The following AFF2 variants were observed in gnomAD, a reference collection of about 807,000 sequenced individuals.
The protein encoded by AFF2 is ALF transcription elongation factor 2, also known as AF4/FMR2 family member 2.
AFF2 carries 14 observed loss-of-function variants against 76.9 expected under a neutral mutation model. The observed-to-expected ratio is 0.18, with a 90% CI of 0.12 to 0.28. The LOEUF is 0.28. AFF2 is among the 10% of genes least tolerant of loss of function. AFF2 has a pLI of 1.00. For missense variants in AFF2, 868 were observed against 1,001.1 expected, an observed-to-expected ratio of 0.87 and a Z score of 1.79; for synonymous variants, 398 against 366.7, an observed-to-expected ratio of 1.09 and a Z score of -0.98.
chrX:148,929,554 C>T (rs975471752), intron 9 of AFF2, among the ~76,000 whole-genome samples: 2 of 111,717 alleles, frequency 1.8e-5, no homozygotes, highest in African/African-American at 6.5e-5. Flanking sequence ...CAGATTAGAC[C>T]GGTGTTCTTG....
chrX:148,686,437 G>A (rs782813096), intron 3 of AFF2, among the ~76,000 whole-genome samples: 33 of 111,618 alleles, frequency 3.0e-4, no homozygotes, highest in Non-Finnish European at 5.1e-4. Flanking sequence ...CATTGATTGA[G>A]CACCTACTCT....
intron 3 of AFF2, among the ~76,000 whole-genome samples, chrX:148,707,165 A>G (rs1415037332): frequency 2.7e-5 from 3 of 112,262 alleles, no homozygotes; most frequent in African/African-American, 9.7e-5. Flanking sequence ...CTGTCAAAAT[A>G]GAATGTGAAT....
intron 3 of AFF2, among the ~76,000 whole-genome samples, chrX:148,680,507 G>A (rs1163607263): frequency 1.8e-5 from 2 of 110,932 alleles, no homozygotes; most frequent in Admixed American, 9.6e-5. Flanking sequence ...AGGAGTAAGC[G>A]TGGTTTCGGT....
chrX:148,605,014 G>T (rs1557248620), intron 1 of AFF2, among the ~76,000 whole-genome samples: 1 of 111,992 alleles, frequency 8.9e-6, no homozygotes, highest in Non-Finnish European at 1.9e-5. Context: ...TTACTTTTCA[G>T]ATATCCACAT....
chrX:148,755,855 A>G (rs2055555657), intron 3 of AFF2, among the ~76,000 whole-genome samples: 1 of 111,789 alleles, frequency 8.9e-6, no homozygotes, highest in African/African-American at 3.3e-5. Context: ...GCTGTTGGTC[A>G]TCTGAGCCCT....
chrX:148,556,410 G>T (rs939087335), intron 1 of AFF2, among the ~76,000 whole-genome samples: 1 of 111,838 alleles, frequency 8.9e-6, no homozygotes, highest in Non-Finnish European at 1.9e-5. Context: ...CAGCATTTTT[G>T]TTTTTAACCC....
intron 1 of AFF2, among the ~76,000 whole-genome samples, chrX:148,645,701 T>C (rs1385735020): frequency 8.9e-6 from 1 of 112,388 alleles, no homozygotes; most frequent in Admixed American, 9.4e-5. Context: ...ACACTTTTTT[T>C]CAAAAAAGCA....
intron 7 of AFF2, among the ~76,000 whole-genome samples, chrX:148,850,001 T>A (rs1243958798): frequency 9.0e-6 from 1 of 111,150 alleles, no homozygotes; most frequent in African/African-American, 3.3e-5. Context: ...CTGAGTTAGG[T>A]CTTGCATATA....
At chrX:148,550,485 C>T (rs2052977307) in intron 1 of AFF2, among the ~76,000 whole-genome samples, 3 of 111,173 alleles carry the variant, frequency 2.7e-5, no homozygotes, top group African/African-American at 9.8e-5. Context: ...TATACATGCT[C>T]ATATAGCAAG....
At chrX:148,891,389 G>T (rs1377373195) in intron 8 of AFF2, among the ~76,000 whole-genome samples, 2 of 111,976 alleles carry the variant, frequency 1.8e-5, no homozygotes, top group Non-Finnish European at 3.8e-5. Flanking sequence ...TGCTATGCTT[G>T]CAGTTCAATA....
At chrX:148,891,507 G>T (rs1198179892) in intron 8 of AFF2, among the ~76,000 whole-genome samples, 1 of 111,745 alleles carries the variant, frequency 8.9e-6, no homozygotes, top group East Asian at 2.8e-4. Flanking sequence ...TATTAAAATT[G>T]CTGTCTTTAA....
intron 8 of AFF2, among the ~76,000 whole-genome samples, chrX:148,891,750 C>T (rs1376747037): frequency 5.4e-5 from 6 of 111,461 alleles, no homozygotes; most frequent in African/African-American, 2.0e-4. Flanking sequence ...TAGATCTGGC[C>T]ATGGCTGTCT....
intron 8 of AFF2, among the ~76,000 whole-genome samples, chrX:148,895,138 C>G (rs2071268516): frequency 1.8e-5 from 2 of 111,132 alleles, no homozygotes. Flanking sequence ...CCGAGTGCCT[C>G]TAGCAGCCCT....
intron 5 of AFF2, among the ~76,000 whole-genome samples, chrX:148,840,846 C>T (rs2070590697): frequency 9.0e-6 from 1 of 111,616 alleles, no homozygotes; most frequent in South Asian, 3.7e-4. Flanking sequence ...AATGTGAAAT[C>T]CAATGCATAA....
chrX:148,784,282 A>G (rs1557269313), intron 3 of AFF2, among the ~76,000 whole-genome samples: 2 of 112,246 alleles, frequency 1.8e-5, no homozygotes. Flanking sequence ...CTTCCTTGCC[A>G]GAGGCAGCTG....
At chrX:148,868,389 G>A (rs1331123607) in intron 7 of AFF2, among the ~76,000 whole-genome samples, 1 of 111,928 alleles carries the variant, frequency 8.9e-6, no homozygotes, top group East Asian at 2.8e-4. Context: ...TTGCCTGGCC[G>A]AAGTTATGCT....
chrX:148,676,960 A>T (rs2054493242), intron 3 of AFF2, among the ~76,000 whole-genome samples: 1 of 111,091 alleles, frequency 9.0e-6, no homozygotes, highest in Non-Finnish European at 1.9e-5. Context: ...TCTTGACAGG[A>T]TGATTGGCAG....
rs1557281199 is a variant in AFF2 at position 148,904,203 on chromosome X, T to G, written c.1360-18T>G. The G allele has an allele frequency of 9.2e-7, 1 of 1,089,562 alleles. No individual in the cohort carries two copies. Among genetic ancestry groups the G allele is most frequent in the South Asian group, 1.9e-5 (1 of 52,281 alleles). The allele number at this position is 1,089,562 out of a possible 1,213,427, so 89.8% of individuals were successfully genotyped here. A position where few individuals can be genotyped will look rare whatever the true frequency, so the allele number is the denominator to read the frequency against. On this transcript the variant is annotated intron_variant, in intron 8 of 20. Transcript: ENST00000370460. ...GCCTGCTAATATTGTCTAATTGCAT[T>G]TTTTCTTCTGTTTACAGGCTGTTGA...
chrX:148,927,066 G>A (rs782753865), intron 9 of AFF2, among the ~76,000 whole-genome samples: 1 of 112,200 alleles, frequency 8.9e-6, no homozygotes, highest in East Asian at 2.8e-4. Context: ...ACCTTTTGGT[G>A]CCACTCTGAG....
Sources: gnomAD v4.1 joint callset for allele counts (sites outside exome capture counted in the v4.1 genomes callset) on GRCh38, gnomAD v4.1.1 for gene constraint, MANE v1.5 for transcripts, NCBI Gene and HGNC (gene_info 2026-07-23, HGNC 2026-07-21) for gene names.